Variants in GRM7 observed in about 807,000 individuals in gnomAD.
The protein encoded by GRM7 is glutamate metabotropic receptor 7.
A neutral mutation model predicts 84.5 loss-of-function variants in GRM7; 35 were observed. The observed-to-expected ratio is 0.41, with a 90% CI of 0.32 to 0.55. The LOEUF (loss-of-function observed/expected upper bound fraction) is 0.55. GRM7 is among the 20% of genes least tolerant of loss of function. GRM7 has a pLI of 0.19. For missense variants in GRM7, 1,003 were observed against 1,194.6 expected, an observed-to-expected ratio of 0.84 and a Z score of 2.36; for synonymous variants, 487 against 455.1, an observed-to-expected ratio of 1.07 and a Z score of -0.89.
chr3:7,355,526 G>A (rs1260211458), intron 4 of GRM7, among the ~76,000 whole-genome samples: 5 of 152,056 alleles, frequency 3.3e-5, no homozygotes, highest in Admixed American at 6.6e-5. Context: ...TAATTTCGTA[G>A]CAAAGAACTG....
intron 9 of GRM7, among the ~76,000 whole-genome samples, chr3:7,739,210 C>A (rs1702608714): frequency 6.6e-6 from 1 of 152,074 alleles, no homozygotes; most frequent in Admixed American, 6.6e-5. Flanking sequence ...GTGTACAGTA[C>A]CCTGTGTAAG....
chr3:7,446,381 T>G (rs1300826903), intron 5 of GRM7, among the ~76,000 whole-genome samples: 2 of 152,166 alleles, frequency 1.3e-5, no homozygotes, highest in African/African-American at 4.8e-5. Context: ...ATTTGTTTTC[T>G]CATAACTCCA....
chr3:7,010,086 GCAGGGT>G (rs1310993924), intron 1 of GRM7, among the ~76,000 whole-genome samples: 3 of 152,268 alleles, frequency 2.0e-5, no homozygotes, highest in Middle Eastern at 3.4e-3. Flanking sequence ...CAGCTAAGGA[GCAGGGT>G]GTGGGCCAGT....
chr3:7,324,383 C>T (rs1700902364), intron 4 of GRM7, among the ~76,000 whole-genome samples: 1 of 152,156 alleles, frequency 6.6e-6, no homozygotes, highest in Non-Finnish European at 1.5e-5. Flanking sequence ...GAACTTCAGT[C>T]AATGAATTCT....
intron 1 of GRM7, among the ~76,000 whole-genome samples, chr3:6,991,847 A>G (rs1463443440): frequency 2.6e-5 from 4 of 152,230 alleles, no homozygotes; most frequent in Non-Finnish European, 5.9e-5. Context: ...TATTAATTAC[A>G]GTCACTATGC....
rs1320197449 is a variant in GRM7, at chr3:7,741,462, C to A, written c.*1056C>A. Reference sequence around the variant, plus strand: ...AACAACCCTTGCTGAAAAATTCCCTCTTTCCATTCTCTTTCAATTCTGTGA... The same window carrying A: ...AACAACCCTTGCTGAAAAATTCCCTATTTCCATTCTCTTTCAATTCTGTGA... On this transcript the variant is annotated 3_prime_UTR_variant, in exon 10 of 10. Transcript: ENST00000357716. 6.6e-6 allele frequency: 1 copy of A among 152,598 alleles called. No individual in the cohort carries two copies. Among genetic ancestry groups the A allele is most frequent in the African/African-American group, 2.4e-5 (1 of 41,442 alleles). The allele number at this position is 152,598 out of a possible 1,614,324, so 9.5% of individuals were successfully genotyped here. A position where few individuals can be genotyped will look rare whatever the true frequency, so the allele number is the denominator to read the frequency against.
chr3:7,361,313 G>A (rs879741085), intron 4 of GRM7, among the ~76,000 whole-genome samples: 6 of 151,776 alleles, frequency 4.0e-5, no homozygotes, highest in African/African-American at 9.7e-5. Flanking sequence ...ACATTATCCC[G>A]AATTCTGAAC....
intron 1 of GRM7, among the ~76,000 whole-genome samples, chr3:7,063,141 A>G (rs2124972132): frequency 6.6e-6 from 1 of 151,838 alleles, no homozygotes; most frequent in East Asian, 1.9e-4. Flanking sequence ...CTAATGTTAA[A>G]GATACTCCCT....
chr3:7,663,440 G>C (rs1699549221), intron 8 of GRM7, among the ~76,000 whole-genome samples: 1 of 152,156 alleles, frequency 6.6e-6, no homozygotes, highest in Non-Finnish European at 1.5e-5. Context: ...GCTGTCAGCT[G>C]GTGAACTTTC....
chr3:7,065,746 T>A (rs1275486817), intron 1 of GRM7, among the ~76,000 whole-genome samples: 1 of 151,882 alleles, frequency 6.6e-6, no homozygotes, highest in African/African-American at 2.4e-5. Flanking sequence ...GGTCTTCAGA[T>A]GGAGATTGCA....
chr3:7,666,587 A>G (rs1363272445), intron 8 of GRM7, among the ~76,000 whole-genome samples: 5 of 152,214 alleles, frequency 3.3e-5, no homozygotes, highest in Non-Finnish European at 7.3e-5. Context: ...CATTAGAACA[A>G]TAATAACAAT....
chr3:7,121,333 TCATCCATC>T (rs71307751), intron 1 of GRM7, among the ~76,000 whole-genome samples: 38,702 of 149,390 alleles, frequency 0.26, 5,082 homozygotes, highest in African/African-American at 0.3. Context: ...ATCCATCTAT[TCATCCATC>T]CATCCATCCA....
At chr3:7,339,986 T>C (rs990581420) in intron 4 of GRM7, among the ~76,000 whole-genome samples, 1 of 152,124 alleles carries the variant, frequency 6.6e-6, no homozygotes, top group Admixed American at 6.6e-5. Context: ...AGCTAAGAAA[T>C]AACTTTCCTA....
intron 2 of GRM7, among the ~76,000 whole-genome samples, chr3:7,148,277 C>A (rs1033189503): frequency 3.3e-5 from 5 of 151,982 alleles, no homozygotes; most frequent in Admixed American, 6.6e-5. Flanking sequence ...AGAAACATAT[C>A]AAAAATTTCA....
chr3:7,518,156 A>G (rs1700462086), intron 7 of GRM7, among the ~76,000 whole-genome samples: 1 of 152,194 alleles, frequency 6.6e-6, no homozygotes, highest in Non-Finnish European at 1.5e-5. Context: ...TTCCCAAAAG[A>G]GCACAAGCCC....
chr3:6,875,208 G>C (rs898390962), intron 1 of GRM7, among the ~76,000 whole-genome samples: 1 of 151,252 alleles, frequency 6.6e-6, no homozygotes, highest in Non-Finnish European at 1.5e-5. Context: ...TTATCACAGA[G>C]GTCTTGGTTC....
At chr3:7,355,584 A>C (rs768190311) in intron 4 of GRM7, among the ~76,000 whole-genome samples, 1 of 151,990 alleles carries the variant, frequency 6.6e-6, no homozygotes, top group Non-Finnish European at 1.5e-5. Context: ...AGCTTTTGGC[A>C]CTCTACTAAG....
At chr3:7,022,961 C>T (rs957538387) in intron 1 of GRM7, among the ~76,000 whole-genome samples, 1 of 152,024 alleles carries the variant, frequency 6.6e-6, no homozygotes, top group African/African-American at 2.4e-5. Context: ...CTTATATACC[C>T]TTTTTCACAG....
rs189448921 is a variant in GRM7, at chr3:7,680,745, G to A, written c.2698+450G>A. 517 of 179,044 alleles carry A rather than the reference G, an allele frequency of 2.9e-3. 7 individuals carry two copies. The highest frequency in any genetic ancestry group is 0.018 in the Middle Eastern group (7 of 384). 11.1% of individuals were successfully genotyped at this position (179,044 alleles called of 1,614,324 possible). ...ATGTGAATGTTGAAAAAGTTATTTT[G>A]TACTAATCAGGTCTTCTAGAAACAT... On this transcript the variant is annotated intron_variant, in intron 9 of 9. Transcript: ENST00000357716.
Sources: gnomAD v4.1 joint callset for allele counts (sites outside exome capture counted in the v4.1 genomes callset) on GRCh38, gnomAD v4.1.1 for gene constraint, MANE v1.5 for transcripts, NCBI Gene and HGNC (gene_info 2026-07-23, HGNC 2026-07-21) for gene names.